Variants in CHAF1A observed in about 807,000 individuals in gnomAD.
The protein encoded by CHAF1A is chromatin assembly factor 1 subunit A.
A neutral mutation model predicts 93.2 loss-of-function variants in CHAF1A; 5 were observed. The ratio of observed to expected loss-of-function variants is 0.05; its 90% CI spans 0.03 to 0.11. CHAF1A has a LOEUF of 0.11. CHAF1A is among the 10% of genes least tolerant of loss of function. CHAF1A has a pLI of 1.00. For missense variants in CHAF1A, 1,102 were observed against 1,259.9 expected (o/e 0.87, Z 1.90); for synonymous variants, 504 against 510.3 (o/e 0.99, Z 0.17).
chr19:4,438,907 G>A (rs1974335826), intron 13 of CHAF1A, among the ~76,000 whole-genome samples: 1 of 152,106 alleles, frequency 6.6e-6, no homozygotes, highest in Non-Finnish European at 1.5e-5. Context: ...GCATGAACCT[G>A]GGAGGCGGAG....
chr19:4,426,350 G>A (rs1974081068), intron 7 of CHAF1A, among the ~76,000 whole-genome samples: 1 of 151,658 alleles, frequency 6.6e-6, no homozygotes, highest in Non-Finnish European at 1.5e-5. Context: ...TGTATTTTTA[G>A]TAGAGACGGG....
At chr19:4,429,950 C>T (rs892174907) in intron 10 of CHAF1A, 162 bp downstream of exon 10, 22 of 628,948 alleles carry the variant, frequency 3.5e-5, no homozygotes, top group Non-Finnish European at 5.3e-5. Flanking sequence ...AACATCCAGA[C>T]TTCCAGCTTC....
At chr19:4,403,441 C>T in intron 1 of CHAF1A, among the ~76,000 whole-genome samples, 1 of 152,268 alleles carries the variant, frequency 6.6e-6, no homozygotes, top group East Asian at 1.9e-4. Flanking sequence ...GACTGTCCCT[C>T]TCCCTTGCTG....
At chr19:4,444,311 G>A (rs1974455500), downstream of CHAF1A, among the ~76,000 whole-genome samples, 1 of 152,170 alleles carries the variant, frequency 6.6e-6, no homozygotes. Flanking sequence ...TGGGGCCGGG[G>A]CACACATGCC....
At chr19:4,425,239 CTT>C (rs59488897) in intron 7 of CHAF1A, among the ~76,000 whole-genome samples, 1 of 151,964 alleles carries the variant, frequency 6.6e-6, no homozygotes, top group Non-Finnish European at 1.5e-5. Flanking sequence ...TGGTTTCTCT[CTT>C]TTTTTACAAA....
At position 4,433,359 on chromosome 19, in the gene CHAF1A, G is replaced by A. The variant is rs2145134247; in HGVS notation, c.2493G>A (p.Glu831=). ...AGGTGCTACAGAGCTTCCAGCAGGAGCACCTGCCCGTGCCGTGCCAGTGGA... is the reference window on the plus strand; with the variant it reads ...AGGTGCTACAGAGCTTCCAGCAGGAACACCTGCCCGTGCCGTGCCAGTGGA... ...HPQVLQSFQQ[E]HLPVPCQWSY... The change falls in exon 13 of 15, where the codon GAG becomes GAA. Residue 831 remains glutamate, a synonymous_variant. Coordinates refer to ENST00000301280, the MANE Select transcript of CHAF1A (RefSeq NM_005483.3). The surrounding 1 kb of genome is among the most constrained non-coding windows in gnomAD (Gnocchi z 5.6). The A allele has an allele frequency of 1.2e-6, 2 of 1,613,078 alleles. No individual in the cohort carries two copies. The highest frequency in any genetic ancestry group is 1.7e-6 in the Non-Finnish European group (2 of 1,179,118).
intron 10 of CHAF1A, 116 bp downstream of exon 10, chr19:4,429,904 T>C: frequency 1.2e-6 from 1 of 863,978 alleles, no homozygotes. Flanking sequence ...AGCTGGTGTT[T>C]GACCTGCTGT....
chr19:4,442,436 C>T, intron 14 of CHAF1A, 95 bp downstream of exon 14: 1 of 1,030,232 alleles, frequency 9.7e-7, no homozygotes, highest in Non-Finnish European at 1.5e-6. Flanking sequence ...AGACTAGCTC[C>T]ACTGTGAGCA....
intron 14 of CHAF1A, 80 bp downstream of exon 14, chr19:4,442,421 G>A: frequency 8.5e-7 from 1 of 1,177,248 alleles, no homozygotes; most frequent in Non-Finnish European, 1.2e-6. Context: ...GGATGGGGCT[G>A]CCTAAGACTA....
At chr19:4,437,916 T>C (rs566940359) in intron 13 of CHAF1A, among the ~76,000 whole-genome samples, 65 of 151,830 alleles carry the variant, frequency 4.3e-4, no homozygotes, top group Admixed American at 6.6e-4. Flanking sequence ...ATTTTTTGTA[T>C]TTTTTTAGTA....
downstream of CHAF1A, chr19:4,446,220 C>T (rs372305065): frequency 2.8e-5 from 45 of 1,585,000 alleles, no homozygotes; most frequent in African/African-American, 4.0e-4. Flanking sequence ...GGAGTCAGAG[C>T]GGGTGGGGCC....
chr19:4,446,409 C>G (rs751997809), downstream of CHAF1A: 1 of 1,578,140 alleles, frequency 6.3e-7, no homozygotes, highest in Non-Finnish European at 8.6e-7. Flanking sequence ...TCCACCGCCT[C>G]GGACCTGCAC....
Position 4,426,093 on chromosome 19 carries a change from GT to G in CHAF1A, c.1377+2227del, listed in dbSNP as rs1408544927. On this transcript the variant is annotated intron_variant, in intron 7 of 14. Coordinates refer to ENST00000301280, the MANE Select transcript of CHAF1A (RefSeq NM_005483.3). ...TTTTTTTTCTTTGCCTGATCTGTAAGTTTTTTTTAACATAGTCTAGTATTTC... is the reference window on the plus strand; with the variant it reads ...TTTTTTTTCTTTGCCTGATCTGTAAGTTTTTTTAACATAGTCTAGTATTTC... Among the ~76,000 whole-genome samples, 5 of 145,226 alleles carry G rather than the reference GT, an allele frequency of 3.4e-5. No individual in the cohort carries two copies. The East Asian group carries it at 1.0e-3, about 30-fold the overall frequency.
downstream of CHAF1A, chr19:4,446,706 C>T (rs776470883): frequency 1.2e-6 from 2 of 1,609,436 alleles, no homozygotes; most frequent in Non-Finnish European, 1.7e-6. Flanking sequence ...GCACGTAGAA[C>T]TCCTCGGGGT....
chr19:4,413,896 GTT>G (rs1018091616), intron 3 of CHAF1A, among the ~76,000 whole-genome samples: 1 of 152,104 alleles, frequency 6.6e-6, no homozygotes, highest in Non-Finnish European at 1.5e-5. Context: ...TAGTATTAGA[GTT>G]TTCTACCATG....
At chr19:4,407,900 G>A (rs1033614450) in intron 2 of CHAF1A, among the ~76,000 whole-genome samples, 1 of 151,952 alleles carries the variant, frequency 6.6e-6, no homozygotes, top group African/African-American at 2.4e-5. Context: ...GTGAGCTGAG[G>A]TGGCGCCATT....
intron 4 of CHAF1A, among the ~76,000 whole-genome samples, chr19:4,421,165 G>C (rs545800624): frequency 2.4e-4 from 36 of 152,286 alleles, no homozygotes; most frequent in African/African-American, 8.7e-4. Flanking sequence ...ACTGCCTTGT[G>C]GGTTTAAGCG....
intron 7 of CHAF1A, among the ~76,000 whole-genome samples, chr19:4,425,423 T>G (rs1014152296): frequency 1.3e-5 from 2 of 152,040 alleles, no homozygotes; most frequent in African/African-American, 4.8e-5. Context: ...CAGCTAATTT[T>G]TTGTGTTTTT....
chr19:4,446,118 A>G (rs1974508860), downstream of CHAF1A: 1 of 1,612,518 alleles, frequency 6.2e-7, no homozygotes, highest in Non-Finnish European at 8.5e-7. Context: ...CCAGCAGCTC[A>G]AAAGGCAGCC....
Sources: allele counts gnomAD v4.1 joint callset (sites outside exome capture counted in the v4.1 genomes callset), GRCh38; gene constraint gnomAD v4.1.1; non-coding constraint Gnocchi (gnomAD v3.1); transcripts MANE v1.5; gene names NCBI Gene and HGNC (gene_info 2026-07-23, HGNC 2026-07-21).